RBMS1: variants seen among roughly 807,000 people sequenced by gnomAD.
RBMS1 encodes RNA-binding motif, single-stranded-interacting protein 1.
In RBMS1, 17 loss-of-function variants were observed where a neutral mutation model predicts 62.3. The observed-to-expected ratio is 0.27, with a 90% CI of 0.19 to 0.41. The LOEUF is 0.41. Ranked by LOEUF, RBMS1 falls within the 10% of genes least tolerant of loss-of-function variation. RBMS1 has a pLI of 1.00. For missense variants in RBMS1, 334 were observed against 504.5 expected (o/e 0.66, Z 3.24); for synonymous variants, 172 against 170.0 (o/e 1.01, Z -0.09).
At chr2:160,314,926 ACT>A (rs1263082149) in intron 3 of RBMS1, among the ~76,000 whole-genome samples, 3 of 152,002 alleles carry the variant, frequency 2.0e-5, no homozygotes, top group East Asian at 3.9e-4. Flanking sequence ...ACATGCACAA[ACT>A]CTCTCTCTCT....
intron 5 of RBMS1, among the ~76,000 whole-genome samples, chr2:160,301,405 T>C (rs770358698): frequency 6.6e-6 from 1 of 152,244 alleles, no homozygotes; most frequent in African/African-American, 2.4e-5. Flanking sequence ...TTTTCTTTAA[T>C]GGATGCAACA....
chr2:160,468,903 G>A (rs56053923), intron 1 of RBMS1, among the ~76,000 whole-genome samples: 1,800 of 152,232 alleles, frequency 0.012, 19 homozygotes, highest in East Asian at 0.019. Context: ...CTTTACCCAT[G>A]GATAGGGCTA....
intron 2 of RBMS1, among the ~76,000 whole-genome samples, chr2:160,322,233 A>G (rs766114415): frequency 5.3e-5 from 8 of 152,222 alleles, no homozygotes; most frequent in Non-Finnish European, 1.2e-4. Flanking sequence ...CCTTGCCTGA[A>G]ATCCCAGAGC....
intron 11 of RBMS1, 124 bp downstream of exon 11, chr2:160,278,424 G>A: frequency 2.6e-6 from 2 of 773,366 alleles, no homozygotes; most frequent in South Asian, 3.1e-5. Context: ...GTCATGTGGG[G>A]GGAAGAGAGG....
At chr2:160,416,715 G>A in intron 1 of RBMS1, among the ~76,000 whole-genome samples, 1 of 152,066 alleles carries the variant, frequency 6.6e-6, no homozygotes, top group Admixed American at 6.6e-5. Flanking sequence ...GAATTATTAA[G>A]GGCCGGTCCT....
chr2:160,352,274 G>T (rs558399643), intron 2 of RBMS1, among the ~76,000 whole-genome samples: 6 of 152,164 alleles, frequency 3.9e-5, no homozygotes, highest in Admixed American at 2.0e-4. Flanking sequence ...ATCACCTGGG[G>T]CCCAAGTACT....
intron 2 of RBMS1, among the ~76,000 whole-genome samples, chr2:160,324,450 ATT>A (rs1160819520): frequency 6.6e-6 from 1 of 152,188 alleles, no homozygotes; most frequent in Non-Finnish European, 1.5e-5. Flanking sequence ...ACATGGGGTC[ATT>A]TGCAGTGCTT....
chr2:160,433,743 A>G (rs1683000140), intron 1 of RBMS1, among the ~76,000 whole-genome samples: 2 of 152,250 alleles, frequency 1.3e-5, no homozygotes, highest in South Asian at 2.1e-4. Context: ...GTTCTTTTTC[A>G]TATCATGTCT....
chr2:160,396,420 T>A (rs1553519491), intron 1 of RBMS1, among the ~76,000 whole-genome samples: 1 of 152,122 alleles, frequency 6.6e-6, no homozygotes, highest in Non-Finnish European at 1.5e-5. Flanking sequence ...ATGTACTATC[T>A]CATTTAATCC....
intron 9 of RBMS1, chr2:160,282,120 A>G: frequency 2.7e-6 from 2 of 750,312 alleles, no homozygotes; most frequent in Non-Finnish European, 4.2e-6. Context: ...TCCAGAGTCT[A>G]AGTAATTTTA....
intron 4 of RBMS1, among the ~76,000 whole-genome samples, chr2:160,304,281 T>G (rs1335865449): frequency 6.6e-6 from 1 of 152,154 alleles, no homozygotes; most frequent in Non-Finnish European, 1.5e-5. Flanking sequence ...GGAGAATAAT[T>G]ATGTAACTGT....
rs373577825 is a variant in RBMS1 at position 160,300,740 on chromosome 2, A to G, written c.561-10T>C. On this transcript the variant is annotated splice_polypyrimidine_tract_variant and intron_variant, in intron 5 of 13. Coordinates refer to ENST00000348849, the MANE Select transcript of RBMS1 (RefSeq NM_016836.4). ...TTCTGTTGATTCCATCCTATTTATA[A>G]TAAAAATAGAATACATAAATATTTA... 1.9e-6 allele frequency: 3 copies of G among 1,572,088 alleles called. No individual in the cohort carries two copies. The highest frequency in any genetic ancestry group is 2.8e-5 in the African/African-American group (2 of 72,608).
At position 160,273,541 on chromosome 2, in the gene RBMS1, G is replaced by T. The variant is rs1687678223; in HGVS notation, c.*1231C>A. 1 of 151,924 alleles carries T rather than the reference G, an allele frequency of 6.6e-6. No individual in the cohort carries two copies. The highest frequency in any genetic ancestry group is 1.5e-5 in the Non-Finnish European group (1 of 67,968). 9.4% of individuals were successfully genotyped at this position (151,924 alleles called of 1,614,324 possible). On this transcript the variant is annotated 3_prime_UTR_variant, in exon 14 of 14. Coordinates refer to ENST00000348849, the MANE Select transcript of RBMS1 (RefSeq NM_016836.4). ...GAGAGAGCTAGTAGCCAATCGTTTT[G>T]CTTCTATTCGTTATCTCAGCTTATG...
chr2:160,353,409 T>C (rs1443768666), intron 2 of RBMS1, among the ~76,000 whole-genome samples: 1 of 152,080 alleles, frequency 6.6e-6, no homozygotes, highest in Non-Finnish European at 1.5e-5. Context: ...AATGCCAATA[T>C]AACATAATAC....
At chr2:160,400,499 G>T (rs530805845) in intron 1 of RBMS1, among the ~76,000 whole-genome samples, 1 of 151,882 alleles carries the variant, frequency 6.6e-6, no homozygotes, top group Non-Finnish European at 1.5e-5. Flanking sequence ...ATTTAATACA[G>T]AAATTAAATG....
At chr2:160,477,044 C>T (rs1239415186) in intron 1 of RBMS1, among the ~76,000 whole-genome samples, 2 of 152,156 alleles carry the variant, frequency 1.3e-5, no homozygotes, top group African/African-American at 2.4e-5. Context: ...TGTTATACAG[C>T]ATAGTCTAAA....
chr2:160,453,114 A>C (rs1272906344), intron 1 of RBMS1, among the ~76,000 whole-genome samples: 1 of 151,954 alleles, frequency 6.6e-6, no homozygotes, highest in Non-Finnish European at 1.5e-5. Flanking sequence ...GATGATGATG[A>C]TGCTTATTAT....
Position 160,277,337 on chromosome 2 carries a change from T to C in RBMS1, c.1109A>G (p.Tyr370Cys). 1.2e-6 allele frequency: 2 copies of C among 1,613,628 alleles called. No individual in the cohort carries two copies. Among genetic ancestry groups the C allele is most frequent in the African/African-American group, 1.3e-5 (1 of 75,024 alleles). ...AACCGCTGTCGTCTGCATATGTGCA[T>C]ACTGTGGCAAGTAGGCTCCTTGCAT... ...SAMQGAYLPQ[Y>C]AHMQTTAVPV... is the part of the protein sequence containing the mutation. Residue 370 changes from tyrosine (Y) to cysteine (C), a missense_variant, in exon 12 of 14, where the codon TAT becomes TGT. By Grantham distance (194) the Tyr-to-Cys change is radical. This residue lies in a region of RBMS1 where 182 missense variants were observed against 257.7 expected (regional missense o/e 0.71). Transcript: ENST00000348849.
chr2:160,324,408 T>A (rs1478792746), intron 2 of RBMS1, among the ~76,000 whole-genome samples: 4 of 152,226 alleles, frequency 2.6e-5, no homozygotes, highest in Non-Finnish European at 5.9e-5. Flanking sequence ...TATTTTAATA[T>A]TGGTCATTTC....
Sources: gnomAD v4.1 joint callset for allele counts (sites outside exome capture counted in the v4.1 genomes callset) on GRCh38, gnomAD v4.1.1 for gene constraint, gnomAD v4.1.1 regional missense constraint, MANE v1.5 for transcripts, NCBI Gene and HGNC (gene_info 2026-07-23, HGNC 2026-07-21) for gene names.